SUZ12: variants seen among roughly 807,000 people sequenced by gnomAD.
SUZ12 encodes polycomb protein SUZ12.
A neutral mutation model predicts 87.3 loss-of-function variants in SUZ12; 17 were observed. The observed-to-expected ratio is 0.19, with a 90% CI of 0.13 to 0.29. SUZ12 has a LOEUF of 0.29. Ranked by LOEUF, SUZ12 falls within the 10% of genes least tolerant of loss-of-function variation. The pLI, the probability that SUZ12 is intolerant of heterozygous loss-of-function variation, is 1.00. For synonymous variants in SUZ12, 253 were observed against 312.4 expected (o/e 0.81, Z 2.01); for missense variants, 526 against 912.2 (o/e 0.58, Z 5.45).
At position 31,971,427 on chromosome 17, in the gene SUZ12, T is replaced by TC. The variant is rs1908424079; in HGVS notation, c.506-1719_506-1718insC. Among the ~76,000 whole-genome samples the TC allele has an allele frequency of 2.1e-5, 3 of 140,592 alleles. No homozygotes were observed. In the East Asian group the frequency reaches 5.9e-4, roughly 27 times the overall value. 92.2% of individuals were successfully genotyped at this position (140,592 alleles called of 152,430 possible). ...ATGTGGTTGTCTCCTGCAACTTTTT[T>TC]TTTTTTTTTTTTTTTTGGAGATGGA... is the stretch of plus-strand genomic sequence containing the variant. On this transcript the variant is annotated intron_variant, in intron 5 of 15. Coordinates refer to ENST00000322652, the MANE Select transcript of SUZ12 (RefSeq NM_015355.4).
rs1412053218 is a variant in SUZ12, at chr17:32,000,440, A to G, written c.*1437A>G. ...GTGTGGATGTGATTTGTCATCCAGT[A>G]TTAAGTTCTTAGTCATTGATTTTTG... On this transcript the variant is annotated 3_prime_UTR_variant, in exon 16 of 16. Coordinates refer to ENST00000322652, the MANE Select transcript of SUZ12 (RefSeq NM_015355.4). 2.2e-5 allele frequency: 5 copies of G among 232,442 alleles called. No homozygotes were observed. In the Admixed American group the frequency reaches 2.3e-4, roughly 10 times the overall value. The allele number at this position is 232,442 out of a possible 1,614,324, so 14.4% of individuals were successfully genotyped here.
chr17:31,939,893 A>G lies in SUZ12; in HGVS notation c.275-393A>G, dbSNP rs141441433. 2.4e-3 allele frequency among the ~76,000 whole-genome samples: 363 copies of G among 152,328 alleles called. 2 individuals are homozygous for G. The highest frequency in any genetic ancestry group is 7.7e-3 in the African/African-American group (322 of 41,580). On this transcript the variant is annotated intron_variant, in intron 1 of 15. Transcript: ENST00000322652. The stretch of plus-strand genomic sequence containing the variant: ...TTTTCATCTTGTTTGGCATCAATCA[A>G]TAGTTCTTTTGTTGACTCCAGCTGC...
chr17:31,958,467 T>G (rs1907500193), intron 4 of SUZ12, among the ~76,000 whole-genome samples: 1 of 152,184 alleles, frequency 6.6e-6, no homozygotes, highest in African/African-American at 2.4e-5. Context: ...CCCAGCACTT[T>G]GGGAGGTCAA....
chr17:31,976,320 TG>T (rs1908750727), intron 7 of SUZ12, among the ~76,000 whole-genome samples, 200 bp from the exon 8 acceptor site: 1 of 152,168 alleles, frequency 6.6e-6, no homozygotes, highest in African/African-American at 2.4e-5. Context: ...TGCAAAGATG[TG>T]GGGTTAATGT....
intron 8 of SUZ12, among the ~76,000 whole-genome samples, chr17:31,982,654 T>C (rs1909181597): frequency 6.6e-6 from 1 of 151,040 alleles, no homozygotes; most frequent in African/African-American, 2.4e-5. Flanking sequence ...AGAGCAAGAC[T>C]CCATCTCAAA....
At chr17:31,959,727 CTG>C (rs1229309443) in intron 4 of SUZ12, among the ~76,000 whole-genome samples, 2 of 152,184 alleles carry the variant, frequency 1.3e-5, no homozygotes, top group Non-Finnish European at 2.9e-5. Context: ...ATTACTTCCT[CTG>C]TGGGATCTGG....
chr17:31,952,677 C>T (rs1907059949), intron 4 of SUZ12, among the ~76,000 whole-genome samples: 1 of 152,124 alleles, frequency 6.6e-6, no homozygotes, highest in Non-Finnish European at 1.5e-5. Flanking sequence ...GTTCTCATGC[C>T]TCAGCCTCCT....
chr17:31,960,165 C>A (rs926816268), intron 4 of SUZ12, among the ~76,000 whole-genome samples: 3 of 151,962 alleles, frequency 2.0e-5, no homozygotes, highest in Admixed American at 6.6e-5. Flanking sequence ...AACAAACCAC[C>A]TATGGAAGGG....
intron 4 of SUZ12, among the ~76,000 whole-genome samples, chr17:31,956,900 C>CG (rs1242512996): frequency 6.6e-6 from 1 of 152,020 alleles, no homozygotes; most frequent in Non-Finnish European, 1.5e-5. Context: ...CTCAGCCTCC[C>CG]AGGTAGCTGG....
chr17:31,961,674 T>G (rs1484417697), intron 4 of SUZ12, among the ~76,000 whole-genome samples: 2 of 152,170 alleles, frequency 1.3e-5, no homozygotes, highest in Non-Finnish European at 2.9e-5. Flanking sequence ...CAGTGTGTTG[T>G]TAGTAGTAGT....
chr17:31,985,885 A>G (rs1483854000), intron 9 of SUZ12, among the ~76,000 whole-genome samples: 1 of 151,420 alleles, frequency 6.6e-6, no homozygotes, highest in Admixed American at 6.6e-5. Context: ...CTGGTCTCGA[A>G]CTCCTGACCT....
rs1031418968 is a variant in SUZ12 at position 31,997,020 on chromosome 17, A to G, written c.1874+143A>G. The G allele has an allele frequency of 1.7e-5, 10 of 590,864 alleles. No homozygotes were observed. In the Admixed American group the frequency reaches 1.7e-4, roughly 10 times the overall value. The allele number at this position is 590,864 out of a possible 1,614,324, so 36.6% of individuals were successfully genotyped here. On this transcript the variant is annotated intron_variant, in intron 15 of 15. Transcript: ENST00000322652. Reference sequence around the variant, plus strand: ...TTGTCCCAAATTTTATTCTATTCCAATGTTTTTTGGTTTGGCAGGTTTTTT... The same window carrying G: ...TTGTCCCAAATTTTATTCTATTCCAGTGTTTTTTGGTTTGGCAGGTTTTTT...
chr17:31,989,784 T>C (rs754882579), intron 10 of SUZ12, among the ~76,000 whole-genome samples: 8 of 145,322 alleles, frequency 5.5e-5, no homozygotes, highest in Non-Finnish European at 7.5e-5. Flanking sequence ...TTTTTTTTTG[T>C]ATTTTTAGTA....
intron 9 of SUZ12, among the ~76,000 whole-genome samples, chr17:31,984,901 A>G (rs1909321469): frequency 1.3e-5 from 2 of 152,230 alleles, no homozygotes; most frequent in South Asian, 4.1e-4. Context: ...CATGCCTGTA[A>G]TCCCAGCACT....
chr17:31,988,294 G>A (rs1328840967), intron 9 of SUZ12, 26 bp from the exon 10 acceptor site: 2 of 1,514,176 alleles, frequency 1.3e-6, no homozygotes, highest in Non-Finnish European at 1.8e-6. Context: ...TGAGTCTCCA[G>A]TCTTTGCATG....
chr17:31,978,186 C>T (rs1414767872), intron 8 of SUZ12, among the ~76,000 whole-genome samples: 1 of 151,914 alleles, frequency 6.6e-6, no homozygotes, highest in African/African-American at 2.4e-5. Context: ...TAGGCCATTC[C>T]TCCTATTGTT....
At chr17:31,994,084 C>A in intron 12 of SUZ12, 76 bp downstream of exon 12, 11 of 1,376,890 alleles carry the variant, frequency 8.0e-6, no homozygotes, top group South Asian at 6.3e-5. Context: ...ATCTATGTAC[C>A]CACAAAAATT....
intron 8 of SUZ12, among the ~76,000 whole-genome samples, chr17:31,977,273 CTTTTTTT>C (rs762777458): frequency 8.5e-6 from 1 of 117,348 alleles, no homozygotes; most frequent in African/African-American, 3.3e-5. Context: ...GAGATCCCAT[CTTTTTTT>C]TTTTTTTTTT....
At chr17:31,963,102 G>T (rs1907836122) in intron 4 of SUZ12, among the ~76,000 whole-genome samples, 1 of 152,192 alleles carries the variant, frequency 6.6e-6, no homozygotes, top group African/African-American at 2.4e-5. Context: ...TATATGAATT[G>T]CTTATACAGA....
Sources: allele counts gnomAD v4.1 joint callset (sites outside exome capture counted in the v4.1 genomes callset), GRCh38; gene constraint gnomAD v4.1.1; transcripts MANE v1.5; gene names NCBI Gene and HGNC (gene_info 2026-07-23, HGNC 2026-07-21).